POU2F1: variants seen among roughly 807,000 people sequenced by gnomAD.
The protein encoded by POU2F1 is POU domain, class 2, transcription factor 1.
Under a neutral mutation model 84.9 loss-of-function variants are expected in POU2F1, and 16 were observed. That is an observed-to-expected ratio of 0.19 (90% confidence interval 0.13 to 0.29). The LOEUF is 0.29. POU2F1 is among the 10% of genes least tolerant of loss of function. POU2F1 has a pLI of 1.00. For synonymous variants in POU2F1, 368 were observed against 368.3 expected, an observed-to-expected ratio of 1.00 and a Z score of 0.01; for missense variants, 738 against 942.6, an observed-to-expected ratio of 0.78 and a Z score of 2.84.
intron 2 of POU2F1, among the ~76,000 whole-genome samples, chr1:167,342,545 G>A (rs2101759319): frequency 6.6e-6 from 1 of 152,312 alleles, no homozygotes; most frequent in South Asian, 2.1e-4. Context: ...CAGGGTACCA[G>A]TGAATAGACT....
chr1:167,313,246 G>T (rs975493042), intron 1 of POU2F1, among the ~76,000 whole-genome samples: 1 of 152,108 alleles, frequency 6.6e-6, no homozygotes, highest in South Asian at 2.1e-4. Flanking sequence ...GGAAACATCA[G>T]TTCTCCCCAA....
intron 1 of POU2F1, among the ~76,000 whole-genome samples, chr1:167,235,095 G>C (rs1406310917): frequency 6.6e-6 from 1 of 152,136 alleles, no homozygotes; most frequent in Admixed American, 6.5e-5. Flanking sequence ...TTAGAAGTCA[G>C]CTATTTCATG....
chr1:167,323,809 C>T (rs1165128120), intron 1 of POU2F1, among the ~76,000 whole-genome samples: 1 of 152,188 alleles, frequency 6.6e-6, no homozygotes, highest in Non-Finnish European at 1.5e-5. Context: ...TCTCATGCCT[C>T]AGCCTACTGA....
chr1:167,369,514 G>C (rs1423096039), intron 3 of POU2F1, among the ~76,000 whole-genome samples: 1 of 152,054 alleles, frequency 6.6e-6, no homozygotes, highest in East Asian at 1.9e-4. Context: ...CCAAATGATG[G>C]TCTTAATTCC....
At chr1:167,299,425 A>G (rs1160451577) in intron 1 of POU2F1, among the ~76,000 whole-genome samples, 1 of 152,184 alleles carries the variant, frequency 6.6e-6, no homozygotes, top group African/African-American at 2.4e-5. Flanking sequence ...TATTCTTCTA[A>G]AAGGAATAAA....
At chr1:167,355,265 C>G (rs1018158435) in intron 2 of POU2F1, among the ~76,000 whole-genome samples, 2 of 151,278 alleles carry the variant, frequency 1.3e-5, no homozygotes, top group African/African-American at 2.4e-5. Flanking sequence ...AAAACTCCAC[C>G]CTTTCCTCAT....
intron 2 of POU2F1, among the ~76,000 whole-genome samples, chr1:167,362,886 A>G (rs142164956): frequency 6.6e-6 from 1 of 152,280 alleles, no homozygotes; most frequent in Non-Finnish European, 1.5e-5. Flanking sequence ...TTGTGTATCA[A>G]AGACATGCTC....
chr1:167,220,912 A>C lies in POU2F1; in HGVS notation c.15A>C (p.Gly5=), dbSNP rs1648056554. 1.3e-6 allele frequency: 2 copies of C among 1,535,064 alleles called. No individual in the cohort carries two copies. The highest frequency in any genetic ancestry group is 1.7e-6 in the Non-Finnish European group (2 of 1,146,758). Reference sequence around the variant, plus strand: ...AAATATTCAAAATGGCGGACGGAGGAGCAGCGAGTCAAGATGAGAGTTCAG... The same window carrying C: ...AAATATTCAAAATGGCGGACGGAGGCGCAGCGAGTCAAGATGAGAGTTCAG... The part of the protein sequence containing the change: MADG[G]AASQDESSAA... The change falls in exon 1 of 16, where the codon GGA becomes GGC. Residue 5 remains glycine, a synonymous_variant. Transcript: ENST00000367866.
chr1:167,346,951 C>G (rs1044005586), intron 2 of POU2F1, among the ~76,000 whole-genome samples: 3 of 152,206 alleles, frequency 2.0e-5, no homozygotes, highest in Admixed American at 1.3e-4. Context: ...GGAAGAAACG[C>G]TCTCCACACA....
chr1:167,396,639 C>A, intron 10 of POU2F1: 1 of 512,468 alleles, frequency 2.0e-6, no homozygotes, highest in Non-Finnish European at 3.4e-6. Flanking sequence ...AAATAATTAG[C>A]CGTAATTTTT....
At chr1:167,395,607 A>AT (rs1483734987) in intron 9 of POU2F1, among the ~76,000 whole-genome samples, 2 of 151,936 alleles carry the variant, frequency 1.3e-5, no homozygotes, top group East Asian at 1.9e-4. Context: ...TCTTTTTTAA[A>AT]TTTTTTTCTT....
In POU2F1 at chr1:167,407,147, C is replaced by A. The variant is rs375998947; in HGVS notation, c.1556-4812C>A. On this transcript the variant is annotated intron_variant, in intron 13 of 15. Coordinates refer to ENST00000367866, the MANE Select transcript of POU2F1 (RefSeq NM_002697.4). ...CCAGGCTCAAGCAGTCCTCCCACTT[C>A]AGCCTCCCCGGTAGCTGGGACTATA... 2.6e-5 allele frequency among the ~76,000 whole-genome samples: 4 copies of A among 152,126 alleles called. No homozygotes were observed. In the East Asian group the frequency reaches 7.7e-4, roughly 29 times the overall value.
intron 2 of POU2F1, among the ~76,000 whole-genome samples, chr1:167,358,697 ATC>A (rs1172346362): frequency 4.2e-5 from 4 of 95,046 alleles, no homozygotes; most frequent in African/African-American, 1.5e-4. Flanking sequence ...TATATTCTTA[ATC>A]TTTTTATTAT....
intron 8 of POU2F1, among the ~76,000 whole-genome samples, chr1:167,385,944 A>C (rs1207177946): frequency 6.6e-6 from 1 of 152,192 alleles, no homozygotes; most frequent in Non-Finnish European, 1.5e-5. Flanking sequence ...GCAGCAAAAA[A>C]ATTGGAGATA....
intron 1 of POU2F1, among the ~76,000 whole-genome samples, chr1:167,276,991 CCATGGA>C (rs1652773763): frequency 1.3e-5 from 2 of 152,084 alleles, no homozygotes; most frequent in Non-Finnish European, 2.9e-5. Flanking sequence ...CCAGTCTAAG[CCATGGA>C]ATAGTTCACT....
chr1:167,322,759 A>G (rs1439805397), intron 1 of POU2F1, among the ~76,000 whole-genome samples: 3 of 152,266 alleles, frequency 2.0e-5, no homozygotes, highest in Non-Finnish European at 4.4e-5. Flanking sequence ...ATATTTATTG[A>G]CAGTAAGCCA....
chr1:167,377,833 CA>C (rs1660431586), intron 7 of POU2F1, among the ~76,000 whole-genome samples: 2 of 152,122 alleles, frequency 1.3e-5, no homozygotes, highest in Admixed American at 1.3e-4. Context: ...CCTCTACCCT[CA>C]AGTAGGCCCT....
At chr1:167,407,956 A>T (rs968061633) in intron 13 of POU2F1, among the ~76,000 whole-genome samples, 1 of 152,216 alleles carries the variant, frequency 6.6e-6, no homozygotes, top group Non-Finnish European at 1.5e-5. Flanking sequence ...CCACAGACTG[A>T]GAGAAAACAT....
chr1:167,353,747 G>C (rs1393614453), intron 2 of POU2F1, among the ~76,000 whole-genome samples: 1 of 152,080 alleles, frequency 6.6e-6, no homozygotes, highest in Non-Finnish European at 1.5e-5. Context: ...TTATGCAAAA[G>C]TAATTGTAAA....
Sources: gnomAD v4.1 joint callset for allele counts (sites outside exome capture counted in the v4.1 genomes callset) on GRCh38, gnomAD v4.1.1 for gene constraint, MANE v1.5 for transcripts, NCBI Gene and HGNC (gene_info 2026-07-23, HGNC 2026-07-21) for gene names.